The following NRXN1 variants were observed in gnomAD, a reference collection of about 807,000 sequenced individuals.
NRXN1 encodes the protein neurexin-1.
NRXN1 carries 39 observed loss-of-function variants against 150.9 expected under a neutral mutation model. The observed-to-expected ratio is 0.26, with a 90% confidence interval of 0.20 to 0.34. The LOEUF is 0.34. Among genes scored for constraint, NRXN1 ranks in the 10% least tolerant of loss-of-function variants. NRXN1 has a pLI of 1.00. For missense variants in NRXN1, 1,815 were observed against 1,949.9 expected, an observed-to-expected ratio of 0.93 and a Z score of 1.30; for synonymous variants, 924 against 757.0, an observed-to-expected ratio of 1.22 and a Z score of -3.62.
intron 5 of NRXN1, among the ~76,000 whole-genome samples, chr2:50,812,886 T>A (rs998671628): frequency 6.6e-6 from 1 of 152,038 alleles, no homozygotes; most frequent in Non-Finnish European, 1.5e-5. Context: ...AAAATGGTTT[T>A]AAATTTTTGT....
intron 17 of NRXN1, among the ~76,000 whole-genome samples, chr2:50,313,150 A>G (rs758513727): frequency 1.2e-4 from 19 of 152,126 alleles, no homozygotes; most frequent in South Asian, 8.3e-4. Context: ...ATAGAGCTCC[A>G]AAACTATAGT....
chr2:50,081,539 AG>A (rs1697968254), intron 19 of NRXN1, among the ~76,000 whole-genome samples: 1 of 152,220 alleles, frequency 6.6e-6, no homozygotes, highest in Admixed American at 6.5e-5. Flanking sequence ...TGATAGAGCA[AG>A]ACTCTGCCTC....
At chr2:50,298,809 C>G (rs1207683028) in intron 17 of NRXN1, among the ~76,000 whole-genome samples, 1 of 152,110 alleles carries the variant, frequency 6.6e-6, no homozygotes, top group Non-Finnish European at 1.5e-5. Flanking sequence ...ATATTCCTTG[C>G]CTCTTGCAAG....
intron 17 of NRXN1, among the ~76,000 whole-genome samples, chr2:50,307,795 C>T (rs768688998): frequency 6.6e-6 from 1 of 151,880 alleles, no homozygotes; most frequent in Admixed American, 6.6e-5. Context: ...TTATCTTTTC[C>T]GTGGATTTAT....
chr2:50,898,943 C>A (rs1682465846), intron 5 of NRXN1, among the ~76,000 whole-genome samples: 1 of 151,044 alleles, frequency 6.6e-6, no homozygotes, highest in South Asian at 2.1e-4. Context: ...TTCTTGCCGA[C>A]AGATTAAAAA....
chr2:50,652,099 T>C (rs76642247), intron 5 of NRXN1, among the ~76,000 whole-genome samples: 2,391 of 152,112 alleles, frequency 0.016, 87 homozygotes, highest in East Asian at 0.15. Flanking sequence ...AGGTTTGTTA[T>C]GTTTCCATTT....
chr2:50,186,340 G>C (rs2061069872), intron 18 of NRXN1, among the ~76,000 whole-genome samples: 1 of 152,050 alleles, frequency 6.6e-6, no homozygotes, highest in Non-Finnish European at 1.5e-5. Flanking sequence ...CCTAAAGCTT[G>C]TAAATTGTCA....
At chr2:50,670,483 TACCATGTA>T (rs1375896838) in intron 5 of NRXN1, among the ~76,000 whole-genome samples, 1 of 151,970 alleles carries the variant, frequency 6.6e-6, no homozygotes, top group Non-Finnish European at 1.5e-5. Flanking sequence ...TACAGACAGT[TACCATGTA>T]TGTTCTTCAC....
At chr2:50,390,363 A>C (rs2081607170) in intron 17 of NRXN1, among the ~76,000 whole-genome samples, 1 of 152,172 alleles carries the variant, frequency 6.6e-6, no homozygotes, top group Admixed American at 6.5e-5. Context: ...TTAACTTATA[A>C]AATCTATTTG....
At chr2:50,481,025 G>C (rs1203142005) in intron 15 of NRXN1, among the ~76,000 whole-genome samples, 1 of 152,180 alleles carries the variant, frequency 6.6e-6, no homozygotes. Flanking sequence ...TTTGCCTGTT[G>C]AGCTACAAGA....
At chr2:50,328,820 A>G (rs1026763827) in intron 17 of NRXN1, among the ~76,000 whole-genome samples, 5 of 152,160 alleles carry the variant, frequency 3.3e-5, no homozygotes, top group African/African-American at 1.2e-4. Context: ...CCTCTCCTAA[A>G]TTCCAAAACC....
chr2:50,262,350 C>A (rs950320575), intron 17 of NRXN1, among the ~76,000 whole-genome samples: 1 of 151,820 alleles, frequency 6.6e-6, no homozygotes, highest in African/African-American at 2.4e-5. Flanking sequence ...CCCTACATGG[C>A]TGTTCTAGCA....
intron 21 of NRXN1, among the ~76,000 whole-genome samples, chr2:49,985,835 A>G (rs550892318): frequency 6.6e-6 from 1 of 152,054 alleles, no homozygotes; most frequent in Non-Finnish European, 1.5e-5. Context: ...AAAAAAAAAT[A>G]TTCACTCACT....
intron 5 of NRXN1, among the ~76,000 whole-genome samples, chr2:50,863,413 T>A (rs191224943): frequency 6.6e-6 from 1 of 152,108 alleles, no homozygotes; most frequent in Admixed American, 6.6e-5. Context: ...AGTGGGTTTG[T>A]GTGTGTGTTA....
intron 19 of NRXN1, among the ~76,000 whole-genome samples, chr2:50,075,345 G>T (rs10469916): frequency 0.6 from 90,637 of 151,970 alleles, 27,426 homozygotes; most frequent in Middle Eastern, 0.67. Flanking sequence ...AAATAATGGA[G>T]ACTGGGGAGG....
chr2:50,248,008 T>G (rs376825018), intron 17 of NRXN1, among the ~76,000 whole-genome samples: 1 of 152,100 alleles, frequency 6.6e-6, no homozygotes, highest in African/African-American at 2.4e-5. Context: ...AAGAGCAATT[T>G]AGAATCTCTC....
intron 18 of NRXN1, among the ~76,000 whole-genome samples, chr2:50,101,026 C>T (rs1171240784): frequency 1.3e-5 from 2 of 152,174 alleles, no homozygotes; most frequent in African/African-American, 2.4e-5. Context: ...AAAATCTCAG[C>T]GTCACACTGA....
intron 21 of NRXN1, among the ~76,000 whole-genome samples, chr2:50,007,781 G>T (rs903064441): frequency 1.3e-5 from 2 of 152,022 alleles, no homozygotes; most frequent in East Asian, 3.9e-4. Flanking sequence ...TGGTATTTCT[G>T]GTTCTAGATC....
At chr2:50,373,427 A>G (rs1254798653) in intron 17 of NRXN1, among the ~76,000 whole-genome samples, 2 of 149,788 alleles carry the variant, frequency 1.3e-5, no homozygotes, top group Admixed American at 6.7e-5. Flanking sequence ...CTGGATCTCT[A>G]ATTGAACTCT....
Sources: gnomAD v4.1 joint callset for allele counts (sites outside exome capture counted in the v4.1 genomes callset) on GRCh38, gnomAD v4.1.1 for gene constraint, MANE v1.5 for transcripts, NCBI Gene and HGNC (gene_info 2026-07-23, HGNC 2026-07-21) for gene names.